The following RHBDD1 variants were observed in gnomAD, a reference collection of about 807,000 sequenced individuals.
The protein encoded by RHBDD1 is rhomboid-related protein 4.
In RHBDD1, 38 loss-of-function variants were observed where a neutral mutation model predicts 36.3. That is an observed-to-expected ratio of 1.05 (90% CI 0.81 to 1.37). The LOEUF (loss-of-function observed/expected upper bound fraction) is 1.37. RHBDD1 is among the 40% of genes most tolerant of loss of function. The pLI, the probability that RHBDD1 is intolerant of heterozygous loss-of-function variation, is 0.00. For missense variants in RHBDD1, 393 were observed against 377.6 expected, an observed-to-expected ratio of 1.04 and a Z score of -0.34; for synonymous variants, 151 against 136.5, an observed-to-expected ratio of 1.11 and a Z score of -0.74.
At chr2:226,973,953 G>T (rs964808080) in intron 8 of RHBDD1, among the ~76,000 whole-genome samples, 1 of 152,164 alleles carries the variant, frequency 6.6e-6, no homozygotes, top group African/African-American at 2.4e-5. Context: ...TAGCAGAGTG[G>T]CTGCCTCTCT....
In RHBDD1 at chr2:226,900,061, T is replaced by C. The variant is rs566021139; in HGVS notation, c.567-6732T>C. On this transcript the variant is annotated intron_variant, in intron 5 of 8. Coordinates refer to ENST00000392062, the MANE Select transcript of RHBDD1 (RefSeq NM_001167608.3). ...GAATTATTCACCTCAATCAAGGGTT[T>C]TTAAGAAGGGGTCCATGGATGGAGT... 2.0e-5 allele frequency among the ~76,000 whole-genome samples: 3 copies of C among 152,320 alleles called. No homozygotes were observed. In the East Asian group the frequency reaches 5.8e-4, roughly 29 times the overall value.
chr2:226,934,184 A>G (rs890319079), intron 8 of RHBDD1, among the ~76,000 whole-genome samples: 8 of 152,144 alleles, frequency 5.3e-5, no homozygotes, highest in Non-Finnish European at 1.0e-4. Context: ...TACCTTTTCT[A>G]TGTTTAGATA....
At chr2:226,858,580 C>T (rs1470396990) in intron 3 of RHBDD1, among the ~76,000 whole-genome samples, 1 of 152,014 alleles carries the variant, frequency 6.6e-6, no homozygotes, top group Non-Finnish European at 1.5e-5. Flanking sequence ...ATATATACTG[C>T]CTTAGTAAAT....
chr2:226,812,641 C>G, the RHBDD1 span, among the ~76,000 whole-genome samples: 1 of 145,884 alleles, frequency 6.9e-6, no homozygotes, highest in South Asian at 2.2e-4. Flanking sequence ...TGTTCTCTCT[C>G]TCTCTCTTTT....
chr2:226,882,937 C>T (rs1356377688), intron 5 of RHBDD1, among the ~76,000 whole-genome samples: 2 of 152,296 alleles, frequency 1.3e-5, no homozygotes, highest in South Asian at 2.1e-4. Flanking sequence ...AAAGCAAGTT[C>T]TCTTACATCC....
chr2:226,950,754 C>T (rs1951361882), intron 8 of RHBDD1, among the ~76,000 whole-genome samples: 1 of 152,132 alleles, frequency 6.6e-6, no homozygotes, highest in Non-Finnish European at 1.5e-5. Context: ...TTTTCACATA[C>T]CTGTTGGCCA....
intron 5 of RHBDD1, among the ~76,000 whole-genome samples, chr2:226,902,155 G>A (rs759546113): frequency 6.6e-6 from 1 of 152,162 alleles, no homozygotes; most frequent in Non-Finnish European, 1.5e-5. Context: ...TGCTTCGGAT[G>A]GCATCTTCCA....
rs189663096 is a variant in RHBDD1, at chr2:226,962,491, C to T, written c.857-32940C>T. On this transcript the variant is annotated intron_variant, in intron 8 of 8. Transcript: ENST00000392062. Reference sequence around the variant, plus strand: ...TAAATTTGCTAATTATGTTACTCTGCTCAGAATTTAATCGCAGTCTAGTCT... The same window carrying T: ...TAAATTTGCTAATTATGTTACTCTGTTCAGAATTTAATCGCAGTCTAGTCT... Among the ~76,000 whole-genome samples the T allele has an allele frequency of 5.2e-3, 793 of 152,350 alleles. 7 individuals are homozygous for T. Among genetic ancestry groups the T allele is most frequent in the African/African-American group, 0.017 (723 of 41,576 alleles).
At chr2:226,888,474 C>CAGTG in intron 5 of RHBDD1, among the ~76,000 whole-genome samples, 1 of 151,962 alleles carries the variant, frequency 6.6e-6, no homozygotes, top group Middle Eastern at 3.4e-3. Context: ...TCCAAACCAC[C>CAGTG]AGTGACTCCT....
At chr2:226,961,045 AG>A (rs1290848301) in intron 8 of RHBDD1, among the ~76,000 whole-genome samples, 1 of 152,150 alleles carries the variant, frequency 6.6e-6, no homozygotes, top group African/African-American at 2.4e-5. Context: ...AAGCGTAAAA[AG>A]GGGTGGGGGA....
the RHBDD1 span, among the ~76,000 whole-genome samples, chr2:226,825,886 C>T: frequency 6.6e-6 from 1 of 152,046 alleles, no homozygotes; most frequent in African/African-American, 2.4e-5. Flanking sequence ...AGCAGTCACT[C>T]GAAAAATGGT....
intron 8 of RHBDD1, among the ~76,000 whole-genome samples, chr2:226,957,785 T>C (rs558778806): frequency 1.3e-5 from 2 of 151,660 alleles, no homozygotes; most frequent in South Asian, 2.1e-4. Context: ...CATAAGCACA[T>C]GAAAAGAAGC....
chr2:226,911,313 G>T (rs10210763), intron 7 of RHBDD1, among the ~76,000 whole-genome samples: 66,025 of 151,766 alleles, frequency 0.44, 14,526 homozygotes, highest in South Asian at 0.5. Context: ...GTGATAATGA[G>T]CCATGTGGGA....
intron 8 of RHBDD1, among the ~76,000 whole-genome samples, chr2:226,993,039 TG>T (rs1466355433): frequency 6.6e-6 from 1 of 152,192 alleles, no homozygotes; most frequent in Non-Finnish European, 1.5e-5. Flanking sequence ...GGCATTTCTT[TG>T]GTTGGCTCAG....
the RHBDD1 span, chr2:226,808,398 G>A: frequency 6.6e-6 from 1 of 152,282 alleles, no homozygotes; most frequent in South Asian, 2.1e-4. Flanking sequence ...GGATTCTATG[G>A]GCCAGGAATT....
chr2:226,895,973 T>G (rs555385993), intron 5 of RHBDD1: 1 of 197,986 alleles, frequency 5.1e-6, no homozygotes, highest in South Asian at 1.8e-4. Flanking sequence ...CTTCCCCACA[T>G]ATTATCTATT....
chr2:226,945,637 T>C (rs1950941272), intron 8 of RHBDD1, among the ~76,000 whole-genome samples: 1 of 152,186 alleles, frequency 6.6e-6, no homozygotes, highest in Admixed American at 6.5e-5. Flanking sequence ...CATGTGTCTA[T>C]AGTAGAATGA....
intron 8 of RHBDD1, among the ~76,000 whole-genome samples, chr2:226,916,809 GT>G (rs1287857038): frequency 6.6e-6 from 1 of 152,168 alleles, no homozygotes; most frequent in Non-Finnish European, 1.5e-5. Context: ...TTGTAGTTTT[GT>G]TTCTAAAGGG....
At chr2:226,948,589 A>T (rs1288490261) in intron 8 of RHBDD1, among the ~76,000 whole-genome samples, 1 of 100,776 alleles carries the variant, frequency 9.9e-6, no homozygotes, top group East Asian at 2.3e-4. Flanking sequence ...AAAAAAACGA[A>T]AAAAATAAAA....
Sources: gnomAD v4.1 joint callset for allele counts (sites outside exome capture counted in the v4.1 genomes callset) on GRCh38, gnomAD v4.1.1 for gene constraint, MANE v1.5 for transcripts, NCBI Gene and HGNC (gene_info 2026-07-23, HGNC 2026-07-21) for gene names.